The following ZNF562 variants were observed in gnomAD, a reference collection of about 807,000 sequenced individuals.
ZNF562 encodes zinc finger protein 562.
ZNF562 carries 13 observed loss-of-function variants against 17.5 expected under a neutral mutation model. The ratio of observed to expected loss-of-function variants is 0.74; its 90% CI spans 0.48 to 1.18. The LOEUF (loss-of-function observed/expected upper bound fraction) is 1.18, where lower values mean the gene tolerates loss of function less well. ZNF562 is among the 50% of genes most tolerant of loss of function. The pLI is 0.00. For synonymous variants in ZNF562, 163 were observed against 165.4 expected, an observed-to-expected ratio of 0.99 and a Z score of 0.11; for missense variants, 481 against 498.5, an observed-to-expected ratio of 0.96 and a Z score of 0.33.
At chr19:9,665,391 A>G (rs371818944) in intron 1 of ZNF562, among the ~76,000 whole-genome samples, 1 of 152,076 alleles carries the variant, frequency 6.6e-6, no homozygotes, top group Admixed American at 6.5e-5. Context: ...AACTGAGCTC[A>G]AGGTGGACAA....
At chr19:9,668,740 G>T (rs1478396856) in intron 1 of ZNF562, among the ~76,000 whole-genome samples, 1 of 151,962 alleles carries the variant, frequency 6.6e-6, no homozygotes, top group Non-Finnish European at 1.5e-5. Flanking sequence ...AACCAAATCA[G>T]CATGGTACTG....
rs1326371692 is a variant in ZNF562 at position 9,651,695 on chromosome 19, T to A, written c.*1254A>T. ...CTTAAGGACATATTCCTGTTGCAGA[T>A]AACAAGCCAGAGCCTGTCCCTTTCT... is the stretch of plus-strand genomic sequence containing the variant. On this transcript the variant is annotated 3_prime_UTR_variant, in exon 6 of 6. Coordinates refer to ENST00000453372, the MANE Select transcript of ZNF562 (RefSeq NM_001130031.2). The A allele has an allele frequency of 6.6e-6, 1 of 152,232 alleles. No individual in the cohort carries two copies. The highest frequency in any genetic ancestry group is 2.4e-5 in the African/African-American group (1 of 41,462). 9.4% of individuals were successfully genotyped at this position (152,232 alleles called of 1,614,324 possible).
In ZNF562 at chr19:9,653,211, C is replaced by A. The variant is rs1428183036; in HGVS notation, c.1019G>T (p.Gly340Val). ...TTCCTTACATTCATAGGGTTTTATT[C>A]CAGTGTGAGTTCTTACATGTTGAGT... ...HLTQHVRTHT[G>V]IKPYECKECG... is the part of the protein sequence containing the mutation. Residue 340 changes from glycine (G) to valine (V), a missense_variant, in exon 6 of 6, where the codon GGA becomes GTA. By Grantham distance (109) the Gly-to-Val change is moderately radical (BLOSUM62 -3). Coordinates refer to ENST00000453372, the MANE Select transcript of ZNF562 (RefSeq NM_001130031.2). The A allele has an allele frequency of 6.2e-7, 1 of 1,614,118 alleles. No individual in the cohort carries two copies. Among genetic ancestry groups the A allele is most frequent in the Non-Finnish European group, 8.5e-7 (1 of 1,180,032 alleles).
rs1568250015 is a variant in ZNF562 at position 9,644,162 on chromosome 19, T to C, written c.*8787A>G. ...TGTAGTTTTTAATGACTGTACTGTTTTTATCAGTGATAAAAACGATACATA... is the reference window on the plus strand; with the variant it reads ...TGTAGTTTTTAATGACTGTACTGTTCTTATCAGTGATAAAAACGATACATA... On this transcript the variant is annotated 3_prime_UTR_variant, in exon 6 of 6. Coordinates refer to ENST00000453372, the MANE Select transcript of ZNF562 (RefSeq NM_001130031.2). 1 of 152,166 alleles carries C rather than the reference T, an allele frequency of 6.6e-6. No individual in the cohort carries two copies. The allele number at this position is 152,166 out of a possible 1,614,324, so 9.4% of individuals were successfully genotyped here. A position where few individuals can be genotyped will look rare whatever the true frequency, so the allele number is the denominator to read the frequency against.
At chr19:9,666,193 G>C (rs546146513) in intron 1 of ZNF562, among the ~76,000 whole-genome samples, 1 of 151,730 alleles carries the variant, frequency 6.6e-6, no homozygotes, top group African/African-American at 2.4e-5. Flanking sequence ...ACATGGTGGT[G>C]CATGCCTGTA....
In ZNF562 at chr19:9,642,618, A is replaced by C. The variant is rs2074779863; in HGVS notation, c.*10331T>G. ...ATTTAATTTTTTAAAAAATCAACAA[A>C]GATAGAGGGAAAACCCAAAATGGAA... On this transcript the variant is annotated 3_prime_UTR_variant, in exon 6 of 6. Transcript: ENST00000453372. 1 of 151,984 alleles carries C rather than the reference A, an allele frequency of 6.6e-6. No individual in the cohort carries two copies. Among genetic ancestry groups the C allele is most frequent in the Admixed American group, 6.6e-5 (1 of 15,222 alleles). 9.4% of individuals were successfully genotyped at this position (151,984 alleles called of 1,614,324 possible). A position where few individuals can be genotyped will look rare whatever the true frequency, so the allele number is the denominator to read the frequency against.
intron 4 of ZNF562, 143 bp downstream of exon 4, chr19:9,657,866 T>G (rs1331690396): frequency 1.7e-6 from 2 of 1,192,528 alleles, no homozygotes; most frequent in Non-Finnish European, 2.2e-6. Flanking sequence ...TTCTTAGGAT[T>G]TTTTTTTAGA....
intron 5 of ZNF562, among the ~76,000 whole-genome samples, chr19:9,654,322 T>C (rs2043378590): frequency 6.6e-6 from 1 of 152,008 alleles, no homozygotes; most frequent in African/African-American, 2.4e-5. Flanking sequence ...GGGGTTTTGC[T>C]CCATTGCCTG....
chr19:9,661,994 TCAAA>T (rs1362922708), intron 1 of ZNF562, among the ~76,000 whole-genome samples: 3 of 152,180 alleles, frequency 2.0e-5, no homozygotes, highest in African/African-American at 4.8e-5. Context: ...ACTCCTGGGC[TCAAA>T]CAATCCTCCC....
At chr19:9,669,961 C>A (rs2044123886) in intron 1 of ZNF562, among the ~76,000 whole-genome samples, 1 of 152,108 alleles carries the variant, frequency 6.6e-6, no homozygotes, top group East Asian at 1.9e-4. Flanking sequence ...ACTCCAGAGG[C>A]TGAGGTAAGA....
chr19:9,653,441 C>A lies in ZNF562; in HGVS notation c.789G>T (p.Lys263Asn), dbSNP rs370682420. 62 of 1,614,022 alleles carry A rather than the reference C, an allele frequency of 3.8e-5. 1 individual carries two copies. In the Admixed American group the frequency reaches 1.0e-3, roughly 26 times the overall value. Residue 263 changes from lysine (K) to asparagine (N), a missense_variant, in exon 6 of 6, where the codon AAG becomes AAT. Physicochemically the swap from Lys to Asn is moderately conservative, Grantham distance 94. Coordinates refer to ENST00000453372, the MANE Select transcript of ZNF562 (RefSeq NM_001130031.2). ...AATTAGTGAAGGATTTCCCACAGTT[C>A]TTAGTCTTTTCGGATTTCTTTCCAG... ...VHTGKKSEKTKNCGKSFTNFS... is the reference protein window; with the variant it reads ...VHTGKKSEKTNNCGKSFTNFS...
intron 1 of ZNF562, among the ~76,000 whole-genome samples, chr19:9,670,754 C>T (rs954027711): frequency 1.3e-5 from 2 of 152,040 alleles, no homozygotes; most frequent in Non-Finnish European, 2.9e-5. Context: ...TTTAGGAGGC[C>T]AAGGCGGGCA....
chr19:9,653,198 A>G lies in ZNF562; in HGVS notation c.1032T>C (p.Tyr344=). The change falls in exon 6 of 6, where the codon TAT becomes TAC. Residue 344 remains tyrosine, a synonymous_variant. Coordinates refer to ENST00000453372, the MANE Select transcript of ZNF562 (RefSeq NM_001130031.2). Reference sequence around the variant, plus strand: ...AGGCTTGGCCACATTCCTTACATTCATAGGGTTTTATTCCAGTGTGAGTTC... The same window carrying G: ...AGGCTTGGCCACATTCCTTACATTCGTAGGGTTTTATTCCAGTGTGAGTTC... ...HVRTHTGIKP[Y]ECKECGQAFT... The G allele has an allele frequency of 1.2e-6, 2 of 1,614,108 alleles. No homozygotes were observed. Among genetic ancestry groups the G allele is most frequent in the Non-Finnish European group, 1.7e-6 (2 of 1,180,008 alleles).
intron 1 of ZNF562, among the ~76,000 whole-genome samples, chr19:9,668,820 T>A (rs1004803792): frequency 1.3e-5 from 2 of 152,032 alleles, no homozygotes; most frequent in African/African-American, 4.8e-5. Context: ...AATCTACACA[T>A]GTACAGACAG....
chr19:9,669,734 G>GAGCGCGCACGCGCGCGCGCACACACA (rs2044097826), intron 1 of ZNF562, among the ~76,000 whole-genome samples: 1 of 109,302 alleles, frequency 9.1e-6, no homozygotes, highest in Non-Finnish European at 1.9e-5. Flanking sequence ...GCGCGCGCGC[G>GAGCGCGCACGCGCGCGCGCACACACA]CACACACACA....
chr19:9,670,729 C>T lies in ZNF562; in HGVS notation c.-131+4286G>A, dbSNP rs974673292. ...TTAGGCTGAGTGAGGTGGCTCATGC[C>T]TGTAATCCCAGCACTTTAGGAGGCC... On this transcript the variant is annotated intron_variant, in intron 1 of 5. Transcript: ENST00000453372. Among the ~76,000 whole-genome samples the T allele has an allele frequency of 2.0e-5, 3 of 152,108 alleles. No individual in the cohort carries two copies. In the South Asian group the frequency reaches 6.2e-4, roughly 32 times the overall value.
At chr19:9,655,717 CTTTTTTTTTTTTTTTTTTT>C (rs58199071) in intron 5 of ZNF562, among the ~76,000 whole-genome samples, 1,529 of 48,876 alleles carry the variant, frequency 0.031, 39 homozygotes, top group Admixed American at 0.039. Flanking sequence ...TCTTTTCTTT[CTTTTTTTTTTTTTTTTTTT>C]TTTTTTTTTT....
intron 1 of ZNF562, among the ~76,000 whole-genome samples, chr19:9,669,085 C>G (rs1167182438): frequency 6.6e-6 from 1 of 152,104 alleles, no homozygotes; most frequent in Non-Finnish European, 1.5e-5. Context: ...CTCAAAAGCA[C>G]AGGCAACAAG....
chr19:9,672,378 C>A (rs1337467136), intron 1 of ZNF562, among the ~76,000 whole-genome samples: 2 of 152,190 alleles, frequency 1.3e-5, no homozygotes, highest in Middle Eastern at 3.4e-3. Flanking sequence ...ATTTAAAGGT[C>A]AAGCATCACA....
Sources: gnomAD v4.1 joint callset for allele counts (sites outside exome capture counted in the v4.1 genomes callset) on GRCh38, gnomAD v4.1.1 for gene constraint, MANE v1.5 for transcripts, NCBI Gene and HGNC (gene_info 2026-07-23, HGNC 2026-07-21) for gene names.